The following RNGTT variants were observed in gnomAD, a reference collection of about 807,000 sequenced individuals.
RNGTT encodes the protein mRNA-capping enzyme.
Under a neutral mutation model 79.3 loss-of-function variants are expected in RNGTT, and 33 were observed. That is an observed-to-expected ratio of 0.42 (90% CI 0.32 to 0.56). The LOEUF (loss-of-function observed/expected upper bound fraction) is 0.56. RNGTT is among the 20% of genes least tolerant of loss of function. The probability of loss-of-function intolerance (pLI) is 0.17; values close to 1 mark genes in which losing one functional copy is unlikely to be tolerated. For missense variants in RNGTT, 497 were observed against 739.1 expected (o/e 0.67, Z 3.80); for synonymous variants, 222 against 235.9 (o/e 0.94, Z 0.54).
At chr6:88,655,732 G>T (rs1489465489) in intron 14 of RNGTT, among the ~76,000 whole-genome samples, 2 of 152,164 alleles carry the variant, frequency 1.3e-5, no homozygotes, top group South Asian at 4.1e-4. Context: ...GGAAACTTGG[G>T]TCTGACTCAG....
At chr6:88,909,377 C>T (rs778836071) in intron 4 of RNGTT, among the ~76,000 whole-genome samples, 6 of 151,598 alleles carry the variant, frequency 4.0e-5, no homozygotes, top group South Asian at 2.1e-4. Context: ...CACACACATA[C>T]GGTGCCACTT....
At chr6:88,746,791 T>G (rs1417460312) in intron 13 of RNGTT, among the ~76,000 whole-genome samples, 1 of 152,212 alleles carries the variant, frequency 6.6e-6, no homozygotes, top group Non-Finnish European at 1.5e-5. Flanking sequence ...ACTAGAATGA[T>G]TATGTCATGG....
rs960239129 is a variant in RNGTT, at chr6:88,676,537, T to C, written c.1506+1816A>G. 2.6e-5 allele frequency among the ~76,000 whole-genome samples: 4 copies of C among 152,282 alleles called. No individual in the cohort carries two copies. The South Asian group carries it at 6.2e-4, about 24-fold the overall frequency. On this transcript the variant is annotated intron_variant, in intron 14 of 15. Coordinates refer to ENST00000369485, the MANE Select transcript of RNGTT (RefSeq NM_003800.5). The stretch of plus-strand genomic sequence containing the variant: ...GACTTTGGGTTAGGAAAATATTTCT[T>C]AGATACAACAACAAAAGCATGAGCC...
At chr6:88,769,163 G>A (rs978271332) in intron 13 of RNGTT, among the ~76,000 whole-genome samples, 6 of 151,828 alleles carry the variant, frequency 4.0e-5, no homozygotes, top group Non-Finnish European at 7.4e-5. Flanking sequence ...TCTTTGGGGG[G>A]AGGTGTGCGG....
intron 12 of RNGTT, among the ~76,000 whole-genome samples, chr6:88,788,032 C>T (rs755716499): frequency 9.9e-5 from 15 of 152,252 alleles, no homozygotes; most frequent in Non-Finnish European, 1.5e-4. Context: ...CAACTTACAA[C>T]GGCATTACTA....
chr6:88,814,780 TAG>T (rs1405635880), intron 11 of RNGTT, among the ~76,000 whole-genome samples: 1 of 151,778 alleles, frequency 6.6e-6, no homozygotes, highest in African/African-American at 2.4e-5. Flanking sequence ...GGAGAAAAAG[TAG>T]AGAGATTTAA....
chr6:88,713,545 C>A (rs1452986277), intron 13 of RNGTT, among the ~76,000 whole-genome samples: 1 of 152,126 alleles, frequency 6.6e-6, no homozygotes, highest in South Asian at 2.1e-4. Context: ...AGTTTATAAA[C>A]CTATCCCAAA....
intron 10 of RNGTT, 101 bp from the exon 11 acceptor site, chr6:88,844,622 G>C (rs1240278656): frequency 1.8e-6 from 2 of 1,104,944 alleles, no homozygotes; most frequent in African/African-American, 3.1e-5. Flanking sequence ...TGTGTAAACA[G>C]CATCCTCTGG....
At chr6:88,646,273 C>A (rs1773554237) in intron 14 of RNGTT, among the ~76,000 whole-genome samples, 1 of 152,128 alleles carries the variant, frequency 6.6e-6, no homozygotes, top group East Asian at 1.9e-4. Context: ...CAGAGAAATG[C>A]AAATCAAAAC....
intron 14 of RNGTT, among the ~76,000 whole-genome samples, chr6:88,639,094 A>G (rs1000930234): frequency 6.6e-6 from 1 of 152,188 alleles, no homozygotes; most frequent in African/African-American, 2.4e-5. Flanking sequence ...AAATATTAGA[A>G]CAGACATTTG....
intron 13 of RNGTT, among the ~76,000 whole-genome samples, chr6:88,737,660 C>T (rs1777331961): frequency 6.6e-6 from 1 of 152,140 alleles, no homozygotes; most frequent in African/African-American, 2.4e-5. Flanking sequence ...GTGTTTTCCT[C>T]CTCCCCTTGT....
At chr6:88,851,791 C>CA (rs202154257) in intron 9 of RNGTT, among the ~76,000 whole-genome samples, 2,133 of 147,348 alleles carry the variant, frequency 0.014, 50 homozygotes, top group African/African-American at 0.05. Context: ...TTTTAATTAA[C>CA]AAAAAAAAAC....
At chr6:88,874,442 CCT>C (rs201436309) in intron 8 of RNGTT, among the ~76,000 whole-genome samples, 1,946 of 152,128 alleles carry the variant, frequency 0.013, 17 homozygotes, top group Non-Finnish European at 0.019. Context: ...TACATTTGTC[CCT>C]GACTCGCTGA....
chr6:88,710,748 G>C (rs1562209719), intron 13 of RNGTT, among the ~76,000 whole-genome samples: 2 of 152,040 alleles, frequency 1.3e-5, no homozygotes, highest in Non-Finnish European at 1.5e-5. Context: ...AAATTTTATA[G>C]AAAAATGACA....
At chr6:88,654,734 T>C (rs1773914971) in intron 14 of RNGTT, among the ~76,000 whole-genome samples, 1 of 152,150 alleles carries the variant, frequency 6.6e-6, no homozygotes, top group Non-Finnish European at 1.5e-5. Flanking sequence ...GCCAGAAGCA[T>C]ATGGCAGCAT....
At chr6:88,825,039 A>G (rs1485347374) in intron 11 of RNGTT, among the ~76,000 whole-genome samples, 1 of 152,150 alleles carries the variant, frequency 6.6e-6, no homozygotes, top group African/African-American at 2.4e-5. Flanking sequence ...CACCACACCC[A>G]GCCTTCTGTC....
intron 8 of RNGTT, among the ~76,000 whole-genome samples, chr6:88,859,252 C>A (rs1240582075): frequency 1.3e-5 from 2 of 151,020 alleles, no homozygotes; most frequent in East Asian, 3.9e-4. Context: ...TTGTATGAGA[C>A]AAACAGAAAC....
intron 11 of RNGTT, among the ~76,000 whole-genome samples, chr6:88,808,575 T>C (rs1300138905): frequency 3.3e-5 from 5 of 152,022 alleles, no homozygotes; most frequent in Non-Finnish European, 4.4e-5. Context: ...AACCACAACA[T>C]TACAAAATCA....
chr6:88,622,002 C>T (rs1368399428), intron 14 of RNGTT, among the ~76,000 whole-genome samples: 1 of 152,138 alleles, frequency 6.6e-6, no homozygotes, highest in Non-Finnish European at 1.5e-5. Flanking sequence ...AATGACCAAT[C>T]TACTTTTTGT....
Sources: allele counts gnomAD v4.1 joint callset (sites outside exome capture counted in the v4.1 genomes callset), GRCh38; gene constraint gnomAD v4.1.1; transcripts MANE v1.5; gene names NCBI Gene and HGNC (gene_info 2026-07-23, HGNC 2026-07-21).